SLC20A2: variants seen among roughly 807,000 people sequenced by gnomAD.
The protein encoded by SLC20A2 is sodium-dependent phosphate transporter 2.
SLC20A2 carries 30 observed loss-of-function variants against 61.0 expected under a neutral mutation model. The ratio of observed to expected loss-of-function variants is 0.49; its 90% CI spans 0.37 to 0.67. The LOEUF (loss-of-function observed/expected upper bound fraction) is 0.67. SLC20A2 is among the 30% of genes least tolerant of loss of function. The pLI, the probability that SLC20A2 is intolerant of heterozygous loss-of-function variation, is 0.00. For synonymous variants in SLC20A2, 351 were observed against 353.3 expected (o/e 0.99, Z 0.07); for missense variants, 626 against 866.4 (o/e 0.72, Z 3.48).
chr8:42,461,183 C>G (rs992448530), intron 4 of SLC20A2, among the ~76,000 whole-genome samples: 1 of 152,138 alleles, frequency 6.6e-6, no homozygotes, highest in Non-Finnish European at 1.5e-5. Flanking sequence ...GCAGGGGAGG[C>G]AGCCATGTGG....
intron 10 of SLC20A2, among the ~76,000 whole-genome samples, chr8:42,420,582 A>G (rs1332653138): frequency 6.6e-6 from 1 of 152,188 alleles, no homozygotes; most frequent in Non-Finnish European, 1.5e-5. Context: ...TCAACCTTTC[A>G]AACACTTACT....
intron 1 of SLC20A2, chr8:42,541,422 G>T (rs926403653): frequency 6.8e-5 from 10 of 147,376 alleles, no homozygotes; most frequent in South Asian, 4.2e-4. Flanking sequence ...GTCGCGGCGC[G>T]GTAGGGGAAA....
chr8:42,459,798 CT>C (rs1806557175), intron 5 of SLC20A2, 97 bp downstream of exon 5: 4 of 779,408 alleles, frequency 5.1e-6, no homozygotes, highest in Admixed American at 2.2e-5. Flanking sequence ...ATGAGTAATG[CT>C]TTTTACTGTC....
chr8:42,488,935 G>GTTTTTT lies in SLC20A2; in HGVS notation c.-265+12090_-265+12095dup, dbSNP rs34643152. On this transcript the variant is annotated intron_variant, in intron 1 of 10. Transcript: ENST00000520262. ...TTTGTTTTTGAGTTATAGGAGTTTT[G>GTTTTTT]TTTTTTTTTTTTTTTTTTTTTTGAA... is the stretch of plus-strand genomic sequence containing the variant. Among the ~76,000 whole-genome samples the GTTTTTT allele has an allele frequency of 3.6e-3, 302 of 83,466 alleles. 2 individuals carry two copies. The highest frequency in any genetic ancestry group is 5.3e-3 in the Non-Finnish European group (238 of 44,588). 54.8% of individuals were successfully genotyped at this position (83,466 alleles called of 152,430 possible).
chr8:42,539,474 T>C (rs1054996553), intron 1 of SLC20A2, among the ~76,000 whole-genome samples: 5 of 152,260 alleles, frequency 3.3e-5, no homozygotes, highest in African/African-American at 1.2e-4. Flanking sequence ...ACTAAGCATA[T>C]GTTCAAGACA....
chr8:42,452,113 G>C, intron 5 of SLC20A2, among the ~76,000 whole-genome samples: 1 of 140,454 alleles, frequency 7.1e-6, no homozygotes, highest in South Asian at 2.4e-4. Context: ...AAGAGGAGGA[G>C]GAAAAGATGG....
rs1806584695 is a variant in SLC20A2, at chr8:42,460,168, T to C, written c.517-176A>G. 8 of 522,710 alleles carry C rather than the reference T, an allele frequency of 1.5e-5. No homozygotes were observed. In the South Asian group the frequency reaches 1.5e-4, roughly 10 times the overall value. The allele number at this position is 522,710 out of a possible 1,614,324, so 32.4% of individuals were successfully genotyped here. A position where few individuals can be genotyped will look rare whatever the true frequency, so the allele number is the denominator to read the frequency against. On this transcript the variant is annotated intron_variant, in intron 4 of 10. Transcript: ENST00000520262. ...TGCTCCACTTCTGCAGAAATGGCAT[T>C]GGCTGGGGCCATCTCTCCCACACAA...
At chr8:42,440,152 C>A (rs1463053350) in intron 6 of SLC20A2, among the ~76,000 whole-genome samples, 1 of 151,452 alleles carries the variant, frequency 6.6e-6, no homozygotes, top group Non-Finnish European at 1.5e-5. Context: ...AAACTCTAGC[C>A]AGAAAATTCA....
chr8:42,477,150 G>T (rs1276730313), intron 1 of SLC20A2, among the ~76,000 whole-genome samples: 1 of 152,206 alleles, frequency 6.6e-6, no homozygotes, highest in Non-Finnish European at 1.5e-5. Context: ...TTGAATTGCG[G>T]CATGTATAAA....
chr8:42,430,049 C>A lies in SLC20A2; in HGVS notation c.1709+15G>T. On this transcript the variant is annotated intron_variant, in intron 9 of 10. Transcript: ENST00000520262. ...TGACAAGACCTGCCCTGCTCGTCCACCAGCCCAGGCTTACCTGGACGGCGT... is the reference window on the plus strand; with the variant it reads ...TGACAAGACCTGCCCTGCTCGTCCAACAGCCCAGGCTTACCTGGACGGCGT... The A allele has an allele frequency of 6.3e-7, 1 of 1,595,072 alleles. No individual in the cohort carries two copies. Among genetic ancestry groups the A allele is most frequent in the Non-Finnish European group, 8.5e-7 (1 of 1,171,126 alleles).
rs576982844 is a variant in SLC20A2 at position 42,524,744 on chromosome 8, C to T, written c.-265+17077G>A. Among the ~76,000 whole-genome samples, 16 of 151,918 alleles carry T rather than the reference C, an allele frequency of 1.1e-4. No homozygotes were observed. The East Asian group carries it at 2.9e-3, about 28-fold the overall frequency. On this transcript the variant is annotated intron_variant, in intron 1 of 10. Coordinates refer to the SLC20A2 transcript ENST00000342228. ...GAGGTTACAGTGAGCCAAGACTGTG[C>T]CATTGCACTCCAGCTTAAGCAACAA...
At chr8:42,526,410 A>G (rs1811939923) in intron 1 of SLC20A2, among the ~76,000 whole-genome samples, 1 of 152,100 alleles carries the variant, frequency 6.6e-6, no homozygotes, top group African/African-American at 2.4e-5. Context: ...GTGGTGGCTC[A>G]CGCCTGTAAT....
intron 2 of SLC20A2, 23 bp from the exon 3 acceptor site, chr8:42,465,940 C>A (rs1323063445): frequency 6.2e-7 from 1 of 1,602,760 alleles, no homozygotes. Flanking sequence ...GGACAAAAAA[C>A]CATCAGATAC....
At chr8:42,463,146 C>T in intron 3 of SLC20A2, 56 bp from the exon 4 acceptor site, 2 of 991,488 alleles carry the variant, frequency 2.0e-6, no homozygotes, top group Non-Finnish European at 3.1e-6. Flanking sequence ...TAATTATGGT[C>T]CTATTCATAG....
intron 9 of SLC20A2, among the ~76,000 whole-genome samples, chr8:42,429,157 A>G (rs766445459): frequency 1.3e-5 from 2 of 152,246 alleles, no homozygotes; most frequent in African/African-American, 2.4e-5. Flanking sequence ...ACGCAAAGGA[A>G]AAACTATGCT....
rs757831158 is a variant in SLC20A2 at position 42,472,951 on chromosome 8, A to T, written c.-264-297T>A. ...AATCGGAAAAACATATTTGGTCATT[A>T]TTTTCAGAGAGGAACAAGTGCCTCA... On this transcript the variant is annotated intron_variant, in intron 1 of 10. Transcript: ENST00000520262. This position sits in a 1 kb window ranked among gnomAD's most constrained non-coding sequence, Gnocchi z 4.1. Among the ~76,000 whole-genome samples, 1 of 152,204 alleles carries T rather than the reference A, an allele frequency of 6.6e-6. No individual in the cohort carries two copies. Among genetic ancestry groups the T allele is most frequent in the African/African-American group, 2.4e-5 (1 of 41,438 alleles).
intron 1 of SLC20A2, chr8:42,540,810 A>G (rs1449919822): frequency 2.6e-5 from 4 of 152,284 alleles, no homozygotes; most frequent in Admixed American, 1.3e-4. Context: ...GATCACTTCC[A>G]TACTGATGCT....
At chr8:42,418,552 A>G (rs1802826017) in intron 10 of SLC20A2, among the ~76,000 whole-genome samples, 1 of 151,858 alleles carries the variant, frequency 6.6e-6, no homozygotes, top group Admixed American at 6.5e-5. Context: ...ACATCCAGCT[A>G]ATTTTCATAT....
At chr8:42,463,287 AC>A (rs1425590949) in intron 3 of SLC20A2, 197 bp from the exon 4 acceptor site, 3 of 467,718 alleles carry the variant, frequency 6.4e-6, no homozygotes, top group African/African-American at 4.0e-5. Context: ...CCACACTCAG[AC>A]ATCAACACAC....
Sources: gnomAD v4.1 joint callset for allele counts (sites outside exome capture counted in the v4.1 genomes callset) on GRCh38, gnomAD v4.1.1 for gene constraint, Gnocchi (gnomAD v3.1) non-coding constraint, MANE v1.5 for transcripts, NCBI Gene and HGNC (gene_info 2026-07-23, HGNC 2026-07-21) for gene names.